Variants in FBXO31 observed in about 807,000 individuals in gnomAD.
FBXO31 encodes F-box only protein 31.
A neutral mutation model predicts 54.4 loss-of-function variants in FBXO31; 24 were observed. The ratio of observed to expected loss-of-function variants is 0.44; its 90% CI spans 0.32 to 0.62. The LOEUF (loss-of-function observed/expected upper bound fraction) is 0.62, where lower values mean the gene tolerates loss of function less well. FBXO31 is among the 20% of genes least tolerant of loss of function. The pLI, the probability that FBXO31 is intolerant of heterozygous loss-of-function variation, is 0.05. For synonymous variants in FBXO31, 388 were observed against 335.6 expected (o/e 1.16, Z -1.71); for missense variants, 665 against 787.1 (o/e 0.84, Z 1.86).
Position 87,328,911 on chromosome 16 carries a change from T to G in FBXO31, c.*2377A>C, listed in dbSNP as rs745885276. 40 of 152,370 alleles carry G rather than the reference T, an allele frequency of 2.6e-4. No homozygotes were observed. The highest frequency in any genetic ancestry group is 4.3e-4 in the Non-Finnish European group (29 of 68,050). 9.4% of individuals were successfully genotyped at this position (152,370 alleles called of 1,614,324 possible). Reference sequence around the variant, plus strand: ...GAAACGGTTTTATCCAACTCTCAGCTGCCCTTAGGCCTCTGATGACGACAT... The same window carrying G: ...GAAACGGTTTTATCCAACTCTCAGCGGCCCTTAGGCCTCTGATGACGACAT... On this transcript the variant is annotated 3_prime_UTR_variant, in exon 9 of 9. Coordinates refer to ENST00000311635, the MANE Select transcript of FBXO31 (RefSeq NM_024735.5).
chr16:87,356,886 T>C (rs889532526), intron 2 of FBXO31, among the ~76,000 whole-genome samples: 1 of 152,152 alleles, frequency 6.6e-6, no homozygotes, highest in Non-Finnish European at 1.5e-5. Flanking sequence ...GGTAGGTGTT[T>C]TCAATCTCTT....
At chr16:87,388,080 C>T (rs954546708), upstream of FBXO31, among the ~76,000 whole-genome samples, 2 of 152,200 alleles carry the variant, frequency 1.3e-5, no homozygotes, top group African/African-American at 4.8e-5. Context: ...ATTAAACAAA[C>T]AGGCAAACAA....
chr16:87,379,750 G>C (rs143793181), intron 1 of FBXO31, among the ~76,000 whole-genome samples: 1 of 151,910 alleles, frequency 6.6e-6, no homozygotes, highest in Admixed American at 6.5e-5. Flanking sequence ...ACCACACCCA[G>C]CTAATTTTTG....
At chr16:87,366,816 G>T (rs1326213666) in intron 1 of FBXO31, among the ~76,000 whole-genome samples, 1 of 152,104 alleles carries the variant, frequency 6.6e-6, no homozygotes, top group Non-Finnish European at 1.5e-5. Context: ...CAAAGAAAGG[G>T]GCACACACAT....
chr16:87,364,709 A>C (rs1906280086), intron 1 of FBXO31, among the ~76,000 whole-genome samples: 1 of 152,028 alleles, frequency 6.6e-6, no homozygotes, highest in Non-Finnish European at 1.5e-5. Context: ...CGCTGATACC[A>C]TCATTTAGTT....
Position 87,333,980 on chromosome 16 carries a change from C to T in FBXO31, c.1303G>A (p.Glu435Lys), listed in dbSNP as rs530948759. The T allele has an allele frequency of 1.9e-6, 3 of 1,612,774 alleles. No homozygotes were observed. Among genetic ancestry groups the T allele is most frequent in the South Asian group, 2.2e-5 (2 of 91,070 alleles). ...CCCTGCCCACACTGGGCAGGCTGCT[C>T]GGCCGCAGCTACGGCATCCCCAGGC... The part of the protein sequence containing the change: ...GEPGDAVAAA[E>K]QPAQCGQGQP... Residue 435 changes from glutamate to lysine, a missense_variant, in exon 8 of 9, where the codon GAG becomes AAG. Transcript: ENST00000311635.
chr16:87,373,398 G>A (rs574716791), intron 1 of FBXO31, among the ~76,000 whole-genome samples: 10 of 152,110 alleles, frequency 6.6e-5, no homozygotes, highest in African/African-American at 1.9e-4. Context: ...CTTGCAGTGA[G>A]CCGAGATCGC....
intron 8 of FBXO31, 72 bp from the exon 9 acceptor site, chr16:87,331,582 T>A: frequency 7.8e-7 from 1 of 1,282,362 alleles, no homozygotes; most frequent in Non-Finnish European, 1.1e-6. Context: ...TACAGCATTC[T>A]GCGACCCCGC....
intron 1 of FBXO31, among the ~76,000 whole-genome samples, chr16:87,365,985 C>T (rs544861629): frequency 6.6e-6 from 1 of 152,076 alleles, no homozygotes; most frequent in Non-Finnish European, 1.5e-5. Flanking sequence ...GCCAAGATTG[C>T]GCCACTGCAC....
chr16:87,336,841 C>A lies in FBXO31; in HGVS notation c.733-577G>T, dbSNP rs1326018442. On this transcript the variant is annotated intron_variant, in intron 5 of 8. Transcript: ENST00000311635. The surrounding 1 kb of genome is among the most constrained non-coding windows in gnomAD (Gnocchi z 6.5). Reference sequence around the variant, plus strand: ...AAACTCCGCAGCCCCACCAGTCCGCCCTGCATTCTGCCATCACATGGTGCT... The same window carrying A: ...AAACTCCGCAGCCCCACCAGTCCGCACTGCATTCTGCCATCACATGGTGCT... Among the ~76,000 whole-genome samples the A allele has an allele frequency of 6.6e-6, 1 of 152,208 alleles. No individual in the cohort carries two copies. The highest frequency in any genetic ancestry group is 6.5e-5 in the Admixed American group (1 of 15,274).
chr16:87,351,341 C>T (rs989523017), intron 2 of FBXO31, among the ~76,000 whole-genome samples: 1 of 152,158 alleles, frequency 6.6e-6, no homozygotes, highest in Non-Finnish European at 1.5e-5. Context: ...TTATTATAAA[C>T]ATGTCATCTA....
At chr16:87,349,832 C>G (rs188087940) in intron 2 of FBXO31, among the ~76,000 whole-genome samples, 1 of 151,856 alleles carries the variant, frequency 6.6e-6, no homozygotes, top group Admixed American at 6.6e-5. Context: ...CCACTTGAGC[C>G]CGGGAGGCGG....
intron 2 of FBXO31, among the ~76,000 whole-genome samples, chr16:87,357,547 C>T (rs191235351): frequency 1.3e-5 from 2 of 151,976 alleles, no homozygotes; most frequent in East Asian, 1.9e-4. Flanking sequence ...AGACAGGTCT[C>T]GAACTCCTGA....
At chr16:87,380,229 C>T (rs1223200935) in intron 1 of FBXO31, among the ~76,000 whole-genome samples, 1 of 133,534 alleles carries the variant, frequency 7.5e-6, no homozygotes, top group African/African-American at 2.9e-5. Context: ...ACTCAGGAGG[C>T]AGAGGCTGTA....
At chr16:87,361,028 A>G (rs374932570) in intron 1 of FBXO31, among the ~76,000 whole-genome samples, 2 of 152,298 alleles carry the variant, frequency 1.3e-5, no homozygotes, top group African/African-American at 4.8e-5. Flanking sequence ...AACACCCAGC[A>G]CGTCCCAAGC....
At chr16:87,332,337 T>C (rs1904887349) in intron 8 of FBXO31, among the ~76,000 whole-genome samples, 1 of 152,124 alleles carries the variant, frequency 6.6e-6, no homozygotes, top group Non-Finnish European at 1.5e-5. Context: ...AGCCCCCATA[T>C]TCAGCACGTC....
intron 2 of FBXO31, among the ~76,000 whole-genome samples, chr16:87,351,922 G>A (rs946833501): frequency 6.6e-6 from 1 of 152,016 alleles, no homozygotes; most frequent in Non-Finnish European, 1.5e-5. Context: ...GACGCTCTTC[G>A]TTTGTACAGT....
In FBXO31 at chr16:87,329,771, G is replaced by C. The variant is rs1026420095; in HGVS notation, c.*1517C>G. On this transcript the variant is annotated 3_prime_UTR_variant, in exon 9 of 9. Transcript: ENST00000311635. ...TTCTCGTGAGTCTTTCTCCCAGGCC[G>C]GCCAGATTACCATTTAGGAACCTTT... 2 of 152,236 alleles carry C rather than the reference G, an allele frequency of 1.3e-5. No individual in the cohort carries two copies. The highest frequency in any genetic ancestry group is 2.9e-5 in the Non-Finnish European group (2 of 68,050). 9.4% of individuals were successfully genotyped at this position (152,236 alleles called of 1,614,324 possible).
chr16:87,391,079 A>T (rs1907524915), upstream of FBXO31, among the ~76,000 whole-genome samples: 1 of 152,190 alleles, frequency 6.6e-6, no homozygotes, highest in Admixed American at 6.5e-5. Flanking sequence ...AGCCGGGAGC[A>T]GTGGCTCACG....
Sources: gnomAD v4.1 joint callset for allele counts (sites outside exome capture counted in the v4.1 genomes callset) on GRCh38, gnomAD v4.1.1 for gene constraint, Gnocchi (gnomAD v3.1) non-coding constraint, MANE v1.5 for transcripts, NCBI Gene and HGNC (gene_info 2026-07-23, HGNC 2026-07-21) for gene names.